The following SCRN3 variants were observed in gnomAD, a reference collection of about 807,000 sequenced individuals.
SCRN3 encodes the protein secernin 3.
In SCRN3, 39 loss-of-function variants were observed where a neutral mutation model predicts 43.1. The ratio of observed to expected loss-of-function variants is 0.91; its 90% CI spans 0.70 to 1.18. The LOEUF is 1.18. Among genes scored for constraint, SCRN3 ranks in the 50% most tolerant of loss-of-function variants. The pLI is 0.00. For missense variants in SCRN3, 484 were observed against 498.0 expected, an observed-to-expected ratio of 0.97 and a Z score of 0.27; for synonymous variants, 147 against 163.1, an observed-to-expected ratio of 0.90 and a Z score of 0.75.
At chr2:174,412,574 T>C (rs1360768654) in intron 5 of SCRN3, among the ~76,000 whole-genome samples, 1 of 152,130 alleles carries the variant, frequency 6.6e-6, no homozygotes, top group East Asian at 1.9e-4. Flanking sequence ...TTCCTGCCTC[T>C]TGGCTTCAGA....
Position 174,402,076 on chromosome 2 carries a change from A to G in SCRN3, c.541+887A>G, listed in dbSNP as rs141522825. 2.7e-3 allele frequency among the ~76,000 whole-genome samples: 418 copies of G among 152,304 alleles called. 1 individual carries two copies. The highest frequency in any genetic ancestry group is 9.5e-3 in the African/African-American group (394 of 41,566). ...TTATTTTTCAAAACAGGTCATTACCAGTTGTTTTGACGGACATTTTGTTTT... is the reference window on the plus strand; with the variant it reads ...TTATTTTTCAAAACAGGTCATTACCGGTTGTTTTGACGGACATTTTGTTTT... On this transcript the variant is annotated intron_variant, in intron 4 of 7. Coordinates refer to ENST00000272732, the MANE Select transcript of SCRN3 (RefSeq NM_024583.5).
intron 5 of SCRN3, among the ~76,000 whole-genome samples, chr2:174,413,586 C>CTTTTTTTTTTTTTTTTTTTTTTTCT (rs10524979): frequency 2.2e-5 from 2 of 90,226 alleles, no homozygotes; most frequent in African/African-American, 3.7e-5. Context: ...TTTGTCTTTC[C>CTTTTTTTTTTTTTTTTTTTTTTTCT]TTTTTTTTTT....
At chr2:174,411,935 T>TA (rs796526880) in intron 5 of SCRN3, among the ~76,000 whole-genome samples, 1 of 152,168 alleles carries the variant, frequency 6.6e-6, no homozygotes, top group South Asian at 2.1e-4. Context: ...AAAATTTTTT[T>TA]AATTAAAAAT....
At chr2:174,426,244 T>G (rs1686477063) in intron 7 of SCRN3, among the ~76,000 whole-genome samples, 2 of 152,200 alleles carry the variant, frequency 1.3e-5, no homozygotes, top group Admixed American at 1.3e-4. Context: ...ATTTAGTTCT[T>G]TAGTCCATCT....
chr2:174,400,907 TA>T, intron 3 of SCRN3, 82 bp from the exon 4 acceptor site: 2 of 1,193,058 alleles, frequency 1.7e-6, no homozygotes, highest in Non-Finnish European at 2.3e-6. Flanking sequence ...ACTTTGAATC[TA>T]AAAAATCTCA....
intron 5 of SCRN3, 142 bp downstream of exon 5, chr2:174,404,457 T>C: frequency 1.8e-6 from 1 of 563,654 alleles, no homozygotes; most frequent in East Asian, 3.4e-5. Context: ...ATTATAAACC[T>C]ATTTTTTTTT....
At chr2:174,407,152 A>G (rs1421625398) in intron 5 of SCRN3, among the ~76,000 whole-genome samples, 1 of 69,988 alleles carries the variant, frequency 1.4e-5, no homozygotes, top group African/African-American at 5.4e-5. Context: ...TTATTGGTCT[A>G]TTCAGAGATT....
chr2:174,417,295 A>G (rs1330287102), intron 5 of SCRN3, among the ~76,000 whole-genome samples: 1 of 151,776 alleles, frequency 6.6e-6, no homozygotes, highest in Non-Finnish European at 1.5e-5. Flanking sequence ...TTAAAAAAAG[A>G]AAAAAAAAGT....
chr2:174,423,741 T>G (rs989782952), intron 6 of SCRN3, among the ~76,000 whole-genome samples: 2 of 151,288 alleles, frequency 1.3e-5, no homozygotes, highest in Non-Finnish European at 2.9e-5. Flanking sequence ...CATGCTGGGA[T>G]TACAGGCGTG....
Position 174,429,556 on chromosome 2 carries a change from C to T in SCRN3, c.*1661C>T, listed in dbSNP as rs1313976080. 1 of 152,122 alleles carries T rather than the reference C, an allele frequency of 6.6e-6. No individual in the cohort carries two copies. Among genetic ancestry groups the T allele is most frequent in the African/African-American group, 2.4e-5 (1 of 41,404 alleles). 9.4% of individuals were successfully genotyped at this position (152,122 alleles called of 1,614,324 possible). On this transcript the variant is annotated 3_prime_UTR_variant, in exon 8 of 8. Transcript: ENST00000272732. ...GCCCCTATCAGCATACATGCATAGC[C>T]TCCCCCACTATCAACATCCCAGCAC... is the stretch of plus-strand genomic sequence containing the variant.
At chr2:174,396,287 G>C (rs1423146054) in intron 1 of SCRN3, 1 of 988,790 alleles carries the variant, frequency 1.0e-6, no homozygotes, top group East Asian at 1.1e-4. Flanking sequence ...ATACGCGTTA[G>C]GAGTTGGTAA....
chr2:174,415,565 A>G (rs1393787519), intron 5 of SCRN3, among the ~76,000 whole-genome samples: 1 of 152,152 alleles, frequency 6.6e-6, no homozygotes, highest in Admixed American at 6.5e-5. Context: ...ACTGAGTGGC[A>G]GATAATTGCT....
At chr2:174,406,462 C>A (rs1455188593) in intron 5 of SCRN3, among the ~76,000 whole-genome samples, 3 of 140,212 alleles carry the variant, frequency 2.1e-5, no homozygotes, top group Non-Finnish European at 3.2e-5. Flanking sequence ...CCTTCTCCTG[C>A]CTAATTGCCC....
intron 5 of SCRN3, among the ~76,000 whole-genome samples, chr2:174,415,146 A>G (rs1559079980): frequency 6.6e-6 from 1 of 152,204 alleles, no homozygotes; most frequent in African/African-American, 2.4e-5. Flanking sequence ...TGTACATTTG[A>G]AGGTTTTTGA....
intron 7 of SCRN3, among the ~76,000 whole-genome samples, chr2:174,425,602 T>G (rs1481558779): frequency 6.6e-6 from 1 of 152,198 alleles, no homozygotes; most frequent in Non-Finnish European, 1.5e-5. Flanking sequence ...TTCTCTCACC[T>G]ATTTCACTTA....
chr2:174,400,843 A>G lies in SCRN3; in HGVS notation c.342-147A>G, dbSNP rs1574644997. ...TCCATGATTCCAAACTGACTTCAGAAGGAAAAGTTTTAAAGTTAGATGTCA... is the reference window on the plus strand; with the variant it reads ...TCCATGATTCCAAACTGACTTCAGAGGGAAAAGTTTTAAAGTTAGATGTCA... On this transcript the variant is annotated intron_variant, in intron 3 of 7. Coordinates refer to ENST00000272732, the MANE Select transcript of SCRN3 (RefSeq NM_024583.5). The G allele has an allele frequency of 5.8e-6, 4 of 688,182 alleles. No individual in the cohort carries two copies. The East Asian group carries it at 1.1e-4, about 19-fold the overall frequency. The allele number at this position is 688,182 out of a possible 1,614,324, so 42.6% of individuals were successfully genotyped here.
intron 1 of SCRN3, among the ~76,000 whole-genome samples, chr2:174,396,762 C>T (rs1231183609): frequency 1.3e-5 from 2 of 151,084 alleles, no homozygotes; most frequent in Admixed American, 1.3e-4. Context: ...TGCTCCATTG[C>T]ACTCCAGCCC....
At chr2:174,417,060 T>A (rs1443579515) in intron 5 of SCRN3, among the ~76,000 whole-genome samples, 1 of 152,234 alleles carries the variant, frequency 6.6e-6, no homozygotes, top group Non-Finnish European at 1.5e-5. Context: ...ATCTAAACTA[T>A]CTTTTTCCCC....
At chr2:174,419,500 C>T (rs984697053) in intron 5 of SCRN3, among the ~76,000 whole-genome samples, 11 of 152,132 alleles carry the variant, frequency 7.2e-5, no homozygotes, top group Non-Finnish European at 1.5e-4. Context: ...CTGCCTCAGC[C>T]TCCTGAGAAG....
Sources: allele counts gnomAD v4.1 joint callset (sites outside exome capture counted in the v4.1 genomes callset), GRCh38; gene constraint gnomAD v4.1.1; transcripts MANE v1.5; gene names NCBI Gene and HGNC (gene_info 2026-07-23, HGNC 2026-07-21).